UBE2E2: variants seen among roughly 807,000 people sequenced by gnomAD.
The protein encoded by UBE2E2 is ubiquitin-conjugating enzyme E2 E2.
Under a neutral mutation model 24.7 loss-of-function variants are expected in UBE2E2, and 6 were observed. The observed-to-expected ratio is 0.24, with a 90% CI of 0.13 to 0.48. The LOEUF is 0.48. UBE2E2 is among the 20% of genes least tolerant of loss of function. The probability of loss-of-function intolerance (pLI) is 0.99; values close to 1 mark genes in which losing one functional copy is unlikely to be tolerated. For synonymous variants in UBE2E2, 104 were observed against 83.6 expected (o/e 1.24, Z -1.33); for missense variants, 169 against 245.0 (o/e 0.69, Z 2.07).
At chr3:23,396,483 C>T (rs1260221276) in intron 3 of UBE2E2, among the ~76,000 whole-genome samples, 2 of 151,640 alleles carry the variant, frequency 1.3e-5, no homozygotes, top group Non-Finnish European at 1.5e-5. Context: ...TACAGACACA[C>T]ACATATATAT....
At chr3:23,533,785 G>A (rs1695185422) in intron 5 of UBE2E2, among the ~76,000 whole-genome samples, 1 of 151,886 alleles carries the variant, frequency 6.6e-6, no homozygotes, top group Non-Finnish European at 1.5e-5. Context: ...GCCAAGCCCA[G>A]CTTATTTTTG....
chr3:23,491,308 G>C (rs138521036), intron 3 of UBE2E2, among the ~76,000 whole-genome samples: 17 of 152,300 alleles, frequency 1.1e-4, no homozygotes, highest in African/African-American at 4.1e-4. Context: ...TTCACTGTCA[G>C]TATAGAGTTC....
intron 3 of UBE2E2, among the ~76,000 whole-genome samples, chr3:23,352,974 A>C (rs1457759181): frequency 6.6e-6 from 1 of 152,220 alleles, no homozygotes; most frequent in African/African-American, 2.4e-5. Flanking sequence ...ACATTGATGC[A>C]AAAATCCTCA....
intron 3 of UBE2E2, among the ~76,000 whole-genome samples, chr3:23,490,794 G>A (rs1699479347): frequency 6.6e-6 from 1 of 152,170 alleles, no homozygotes; most frequent in South Asian, 2.1e-4. Context: ...TCTCTGCTAA[G>A]TTGTTGACAG....
chr3:23,248,795 C>T (rs974491390), intron 3 of UBE2E2, among the ~76,000 whole-genome samples: 8 of 152,180 alleles, frequency 5.3e-5, no homozygotes, highest in Non-Finnish European at 8.8e-5. Flanking sequence ...GATTTTTAGT[C>T]TTTCCTAAAC....
chr3:23,376,896 G>A (rs1017139000), intron 3 of UBE2E2, among the ~76,000 whole-genome samples: 19 of 152,092 alleles, frequency 1.2e-4, no homozygotes, highest in African/African-American at 3.9e-4. Context: ...ATTCGCAAGG[G>A]GAGGGGTACC....
chr3:23,374,517 C>A (rs1002128812), intron 3 of UBE2E2, among the ~76,000 whole-genome samples: 1 of 152,150 alleles, frequency 6.6e-6, no homozygotes, highest in Non-Finnish European at 1.5e-5. Context: ...TAGTTAATGG[C>A]CTCAGTGGCC....
Position 23,474,045 on chromosome 3 carries a change from C to T in UBE2E2, c.228-25563C>T, listed in dbSNP as rs755842042. Among the ~76,000 whole-genome samples the T allele has an allele frequency of 2.6e-5, 4 of 152,148 alleles. No individual in the cohort carries two copies. The highest frequency in any genetic ancestry group is 1.9e-4 in the East Asian group (1 of 5,178). On this transcript the variant is annotated intron_variant, in intron 3 of 5. Transcript: ENST00000396703. This position sits in a 1 kb window ranked among gnomAD's most constrained non-coding sequence, Gnocchi z 4.0. Reference sequence around the variant, plus strand: ...CAGTGTAGAAGTATTCCCTTTTCACCGCATCTATGCCAACATATATATATT... The same window carrying T: ...CAGTGTAGAAGTATTCCCTTTTCACTGCATCTATGCCAACATATATATATT...
At chr3:23,377,125 C>T (rs901096991) in intron 3 of UBE2E2, among the ~76,000 whole-genome samples, 1 of 152,158 alleles carries the variant, frequency 6.6e-6, no homozygotes, top group Admixed American at 6.5e-5. Flanking sequence ...AGCTGACTGG[C>T]ATTGGGTCCG....
chr3:23,571,533 C>T (rs767536094), intron 5 of UBE2E2, among the ~76,000 whole-genome samples: 12 of 151,762 alleles, frequency 7.9e-5, no homozygotes, highest in Non-Finnish European at 1.6e-4. Flanking sequence ...CGTGATCCGC[C>T]CATCTCGGCC....
intron 3 of UBE2E2, among the ~76,000 whole-genome samples, chr3:23,420,731 A>G (rs976933333): frequency 6.6e-6 from 1 of 152,088 alleles, no homozygotes; most frequent in Admixed American, 6.5e-5. Flanking sequence ...TTTTTTTGCA[A>G]TATATTGTTT....
rs369465872 is a variant in UBE2E2, at chr3:23,344,822, A to T, written c.227+127510A>T. Among the ~76,000 whole-genome samples, 6 of 32,286 alleles carry T rather than the reference A, an allele frequency of 1.9e-4. No individual in the cohort carries two copies. The South Asian group carries it at 2.6e-3, about 14-fold the overall frequency. The allele number at this position is 32,286 out of a possible 152,430, so 21.2% of individuals were successfully genotyped here. Reference sequence around the variant, plus strand: ...GACAGAGCGAGACCCAGTCTGTATTAAAAAAAAAAAAAATTAAATGTTGTA... The same window carrying T: ...GACAGAGCGAGACCCAGTCTGTATTTAAAAAAAAAAAAATTAAATGTTGTA... On this transcript the variant is annotated intron_variant, in intron 3 of 5. Transcript: ENST00000396703.
intron 3 of UBE2E2, among the ~76,000 whole-genome samples, chr3:23,396,041 A>G (rs891913737): frequency 6.6e-6 from 1 of 152,048 alleles, no homozygotes; most frequent in Non-Finnish European, 1.5e-5. Flanking sequence ...CAAATTAATC[A>G]TCTCTTCTGT....
At chr3:23,401,762 C>A (rs538474159) in intron 3 of UBE2E2, among the ~76,000 whole-genome samples, 1 of 151,884 alleles carries the variant, frequency 6.6e-6, no homozygotes, top group African/African-American at 2.4e-5. Context: ...CTCACTGCAA[C>A]CTCTGCCTCC....
At chr3:23,251,612 A>G (rs185297610) in intron 3 of UBE2E2, among the ~76,000 whole-genome samples, 4 of 152,342 alleles carry the variant, frequency 2.6e-5, no homozygotes, top group South Asian at 2.1e-4. Context: ...AAATTACCTT[A>G]AATAAGTAAT....
At chr3:23,267,114 A>C (rs1294670122) in intron 3 of UBE2E2, among the ~76,000 whole-genome samples, 1 of 152,044 alleles carries the variant, frequency 6.6e-6, no homozygotes, top group East Asian at 1.9e-4. Context: ...AAAGATCCAA[A>C]ATTGACACCC....
intron 3 of UBE2E2, chr3:23,271,012 C>T (rs1698226584): frequency 4.4e-6 from 2 of 456,608 alleles, no homozygotes; most frequent in Non-Finnish European, 8.8e-6. Context: ...AAGGAGCAGA[C>T]TTCATCTTAC....
chr3:23,458,391 CTGG>C (rs781216109), intron 3 of UBE2E2, among the ~76,000 whole-genome samples: 68 of 122,474 alleles, frequency 5.6e-4, no homozygotes, highest in Middle Eastern at 3.9e-3. Context: ...AGAGAGATCG[CTGG>C]TGGTGGTGGT....
intron 4 of UBE2E2, among the ~76,000 whole-genome samples, chr3:23,522,148 T>TTTTAGGCA (rs58369100): frequency 3.5e-5 from 4 of 115,168 alleles, no homozygotes; most frequent in African/African-American, 1.7e-4. Flanking sequence ...TTTTTTTTTT[T>TTTTAGGCA]GAGGCAGAGT....
Sources: gnomAD v4.1 joint callset for allele counts (sites outside exome capture counted in the v4.1 genomes callset) on GRCh38, gnomAD v4.1.1 for gene constraint, Gnocchi (gnomAD v3.1) non-coding constraint, MANE v1.5 for transcripts, NCBI Gene and HGNC (gene_info 2026-07-23, HGNC 2026-07-21) for gene names.